GATA4: variants seen among roughly 807,000 people sequenced by gnomAD.
The protein encoded by GATA4 is transcription factor GATA-4.
In GATA4, 7 loss-of-function variants were observed where a neutral mutation model predicts 37.9. The ratio of observed to expected loss-of-function variants is 0.18; its 90% confidence interval spans 0.11 to 0.35. The LOEUF (loss-of-function observed/expected upper bound fraction) is 0.35, where lower values mean the gene tolerates loss of function less well. Ranked by LOEUF, GATA4 falls within the 10% of genes least tolerant of loss-of-function variation. GATA4 has a pLI of 1.00. For missense variants in GATA4, 647 were observed against 653.0 expected (o/e 0.99, Z 0.10); for synonymous variants, 372 against 292.6 (o/e 1.27, Z -2.77).
Position 11,734,494 on chromosome 8 carries a change from TC to T in GATA4, c.617-14421del, listed in dbSNP as rs201224456. Among the ~76,000 whole-genome samples the T allele has an allele frequency of 5.0e-3, 768 of 152,260 alleles. 10 individuals are homozygous for T. Among genetic ancestry groups the T allele is most frequent in the African/African-American group, 0.018 (735 of 41,546 alleles). ...GAGATATCTATTCTGTCTTTTCTTT[TC>T]TTTTTTTTGAGGCAGAGTTTTGCTC... On this transcript the variant is annotated intron_variant, in intron 2 of 6. Transcript: ENST00000532059.
chr8:11,731,792 G>A (rs943907300), intron 2 of GATA4, among the ~76,000 whole-genome samples: 1 of 152,228 alleles, frequency 6.6e-6, no homozygotes, highest in Non-Finnish European at 1.5e-5. Context: ...TACAAGCTTA[G>A]TAAGTAGAAA....
chr8:11,756,892 T>A, intron 5 of GATA4, 43 bp from the exon 6 acceptor site: 1 of 1,614,076 alleles, frequency 6.2e-7, no homozygotes. Flanking sequence ...TGTTCGTTTG[T>A]CCCTGCCGCT....
intron 1 of GATA4, chr8:11,681,141 A>G: frequency 1.0e-6 from 1 of 984,946 alleles, no homozygotes. Context: ...AGCCCAGGGA[A>G]TCTCCAGCTC....
intron 1 of GATA4, among the ~76,000 whole-genome samples, chr8:11,684,622 G>T (rs1486072118): frequency 6.6e-6 from 1 of 152,132 alleles, no homozygotes; most frequent in Non-Finnish European, 1.5e-5. Flanking sequence ...GTGTTTTCTT[G>T]GTCAAATTAC....
chr8:11,710,767 T>G (rs1300767413), intron 2 of GATA4, among the ~76,000 whole-genome samples: 2 of 149,830 alleles, frequency 1.3e-5, no homozygotes, highest in Non-Finnish European at 3.0e-5. Context: ...TGGAGGGAAT[T>G]TGGTGTTTGG....
intron 2 of GATA4, among the ~76,000 whole-genome samples, chr8:11,741,692 A>G (rs1205797017): frequency 6.6e-6 from 1 of 152,222 alleles, no homozygotes; most frequent in Non-Finnish European, 1.5e-5. Context: ...CGAAGGTCTC[A>G]AAATCTAATC....
At chr8:11,694,340 A>T (rs1302733331) in intron 1 of GATA4, 3 of 198,528 alleles carry the variant, frequency 1.5e-5, no homozygotes, top group Non-Finnish European at 2.7e-5. Context: ...AGGGAGACTG[A>T]GGCTCCCAGC....
rs1802811264 is a variant in GATA4, at chr8:11,759,910, C to A, written c.*1435C>A. The stretch of plus-strand genomic sequence containing the variant: ...TTCTTCCAAAGGCCCCCTCGTATAC[C>A]CTCCCTAACCCACAAACCTGTTAAC... On this transcript the variant is annotated 3_prime_UTR_variant, in exon 7 of 7. Transcript: ENST00000532059. The A allele has an allele frequency of 6.5e-6, 1 of 152,714 alleles. No individual in the cohort carries two copies. The highest frequency in any genetic ancestry group is 1.5e-5 in the Non-Finnish European group (1 of 68,030). The allele number at this position is 152,714 out of a possible 1,614,324, so 9.5% of individuals were successfully genotyped here. A position where few individuals can be genotyped will look rare whatever the true frequency, so the allele number is the denominator to read the frequency against.
In GATA4 at chr8:11,750,221, C is replaced by T. The variant is rs1306375063; in HGVS notation, c.897C>T (p.Tyr299=). ...CTGTGTGCAATGCCTGCGGCCTCTA[C>T]ATGAAGCTCCACGGGGTACGTGGGT... ...GEPVCNACGL[Y]MKLHGVPRPL... Residue 299 remains tyrosine (Y), a synonymous_variant, in exon 4 of 7, where the codon TAC becomes TAT. Transcript: ENST00000532059. 6.2e-7 allele frequency: 1 copy of T among 1,613,240 alleles called. No individual in the cohort carries two copies. The highest frequency in any genetic ancestry group is 1.7e-5 in the Admixed American group (1 of 60,036).
intron 1 of GATA4, among the ~76,000 whole-genome samples, chr8:11,682,636 G>T (rs1219704786): frequency 6.6e-6 from 1 of 152,128 alleles, no homozygotes. Flanking sequence ...TTTCCTTGAA[G>T]AAACAAAATT....
At chr8:11,704,965 G>T (rs1015930941) in intron 1 of GATA4, among the ~76,000 whole-genome samples, 1 of 152,262 alleles carries the variant, frequency 6.6e-6, no homozygotes, top group African/African-American at 2.4e-5. Context: ...AAGGGCCCGA[G>T]CCCGGACCGG....
intron 2 of GATA4, among the ~76,000 whole-genome samples, chr8:11,722,510 T>C (rs1800723151): frequency 6.6e-6 from 1 of 152,236 alleles, no homozygotes; most frequent in South Asian, 2.1e-4. Context: ...AGGATCTAAA[T>C]GAGGTCTAAG....
intron 1 of GATA4, among the ~76,000 whole-genome samples, chr8:11,687,351 G>T (rs1386885054): frequency 1.3e-5 from 2 of 152,064 alleles, no homozygotes; most frequent in South Asian, 2.1e-4. Context: ...ATCCAGAGAA[G>T]TATCCAAGGT....
intron 2 of GATA4, among the ~76,000 whole-genome samples, chr8:11,712,160 A>G (rs1308924511): frequency 6.6e-6 from 1 of 152,266 alleles, no homozygotes; most frequent in Non-Finnish European, 1.5e-5. Context: ...TTCATAAATG[A>G]TGGTTATTTT....
At chr8:11,718,068 T>C (rs961312994) in intron 2 of GATA4, among the ~76,000 whole-genome samples, 4 of 152,164 alleles carry the variant, frequency 2.6e-5, no homozygotes, top group African/African-American at 9.7e-5. Flanking sequence ...CAAATATATT[T>C]GTGGTAAAAG....
chr8:11,721,208 G>C (rs992494052), intron 2 of GATA4, among the ~76,000 whole-genome samples: 2 of 151,340 alleles, frequency 1.3e-5, no homozygotes, highest in African/African-American at 4.9e-5. Context: ...CTGAAGTCAA[G>C]GCCAGGCTTC....
At chr8:11,741,277 A>G (rs915159163) in intron 2 of GATA4, among the ~76,000 whole-genome samples, 2 of 152,250 alleles carry the variant, frequency 1.3e-5, no homozygotes, top group African/African-American at 4.8e-5. Flanking sequence ...CAGGAGTTCA[A>G]GATCAGCCTG....
At chr8:11,677,910 C>A (rs1165953211) in intron 1 of GATA4, among the ~76,000 whole-genome samples, 1 of 151,928 alleles carries the variant, frequency 6.6e-6, no homozygotes, top group Admixed American at 6.6e-5. Flanking sequence ...TGGTTGCACA[C>A]GCTTTTGCAT....
intron 1 of GATA4, among the ~76,000 whole-genome samples, chr8:11,705,540 G>C (rs770099279): frequency 2.6e-5 from 4 of 152,160 alleles, no homozygotes; most frequent in Admixed American, 2.6e-4. Context: ...CTGCGAATTT[G>C]GGGTGAACTG....
Sources: allele counts gnomAD v4.1 joint callset (sites outside exome capture counted in the v4.1 genomes callset), GRCh38; gene constraint gnomAD v4.1.1; transcripts MANE v1.5; gene names NCBI Gene and HGNC (gene_info 2026-07-23, HGNC 2026-07-21).